The following ACTN4 variants were observed in gnomAD, a reference collection of about 807,000 sequenced individuals.
ACTN4 encodes alpha-actinin-4.
Under a neutral mutation model 114.2 loss-of-function variants are expected in ACTN4, and 18 were observed. That is an observed-to-expected ratio of 0.16 (90% CI 0.11 to 0.23). The LOEUF (loss-of-function observed/expected upper bound fraction) is 0.23, where lower values mean the gene tolerates loss of function less well. ACTN4 is among the 10% of genes least tolerant of loss of function. The probability of loss-of-function intolerance (pLI) is 1.00; values close to 1 mark genes in which losing one functional copy is unlikely to be tolerated. For synonymous variants in ACTN4, 515 were observed against 506.3 expected (o/e 1.02, Z -0.23); for missense variants, 722 against 1,262.9 (o/e 0.57, Z 6.49).
Position 38,714,452 on chromosome 19 carries a change from T to C in ACTN4, c.820-17T>C. ...TGGCCAGCCCCCAGGCAGCCCTGAC[T>C]GTGTGCTCCCCTCCAGGCTGAAACT... On this transcript the variant is annotated splice_polypyrimidine_tract_variant and intron_variant, in intron 8 of 20. Coordinates refer to ENST00000252699, the MANE Select transcript of ACTN4 (RefSeq NM_004924.6). The C allele has an allele frequency of 6.2e-7, 1 of 1,613,116 alleles. No homozygotes were observed. The highest frequency in any genetic ancestry group is 1.1e-5 in the South Asian group (1 of 91,054).
chr19:38,731,149 C>A lies in ACTN4; in HGVS notation c.*1717C>A, dbSNP rs372638469. On this transcript the variant is annotated 3_prime_UTR_variant, in exon 21 of 21. Transcript: ENST00000252699. Reference sequence around the variant, plus strand: ...TGGGCCACACAGGACACGAACCGCTCGAAGTCCACACGCAGACGGCTATCC... The same window carrying A: ...TGGGCCACACAGGACACGAACCGCTAGAAGTCCACACGCAGACGGCTATCC... The A allele has an allele frequency of 6.2e-7, 1 of 1,613,104 alleles. No homozygotes were observed. The highest frequency in any genetic ancestry group is 8.5e-7 in the Non-Finnish European group (1 of 1,179,992).
chr19:38,721,831 C>A, intron 12 of ACTN4, 143 bp downstream of exon 12: 1 of 1,241,756 alleles, frequency 8.1e-7, no homozygotes, highest in Non-Finnish European at 1.1e-6. Flanking sequence ...CTTCCAGAAG[C>A]CAGGGAAGGG....
Position 38,724,016 on chromosome 19 carries a change from T to C in ACTN4, c.1631T>C (p.Met544Thr), listed in dbSNP as rs778403713. 6.2e-6 allele frequency: 10 copies of C among 1,613,734 alleles called. No individual in the cohort carries two copies. The highest frequency in any genetic ancestry group is 7.6e-6 in the Non-Finnish European group (9 of 1,179,976). ...AKRAAPFNNW[M>T]ESAMEDLQDM... ...CGCGCGGCCCCCTTCAACAACTGGA[T>C]GGAGAGCGCCATGGAGGACCTCCAG... is the stretch of plus-strand genomic sequence containing the variant. Residue 544 changes from methionine (M) to threonine (T), a missense_variant, in exon 14 of 21, where the codon ATG (methionine) becomes ACG (threonine). Physicochemically the swap from Met to Thr is moderately conservative, Grantham distance 81. Transcript: ENST00000252699. This position sits in a 1 kb window ranked among gnomAD's most constrained non-coding sequence, Gnocchi z 7.0.
intron 1 of ACTN4, among the ~76,000 whole-genome samples, chr19:38,652,615 A>T (rs756786908): frequency 1.3e-5 from 2 of 152,182 alleles, no homozygotes; most frequent in Non-Finnish European, 2.9e-5. Flanking sequence ...CTCACCCTCC[A>T]GTTGGAACTG....
In ACTN4 at chr19:38,717,375, C is replaced by G; in HGVS notation, c.1143+59C>G. On this transcript the variant is annotated intron_variant, in intron 10 of 20. Transcript: ENST00000252699. This position sits in a 1 kb window ranked among gnomAD's most constrained non-coding sequence, Gnocchi z 4.0. ...AGGGGCAGAGGCAGCCCTAGAACTG[C>G]CTGTGGGCAGTTTGGCCAGCGTAAT... 6.3e-7 allele frequency: 1 copy of G among 1,580,988 alleles called. No homozygotes were observed. The highest frequency in any genetic ancestry group is 8.6e-7 in the Non-Finnish European group (1 of 1,164,074).
chr19:38,729,802 C>A lies in ACTN4; in HGVS notation c.*370C>A. 2.3e-6 allele frequency: 1 copy of A among 436,528 alleles called. No homozygotes were observed. The allele number at this position is 436,528 out of a possible 1,614,324, so 27.0% of individuals were successfully genotyped here. A position where few individuals can be genotyped will look rare whatever the true frequency, so the allele number is the denominator to read the frequency against. On this transcript the variant is annotated 3_prime_UTR_variant, in exon 21 of 21. Coordinates refer to ENST00000252699, the MANE Select transcript of ACTN4 (RefSeq NM_004924.6). ...CTTTGCTCTGAGGTCCCTTCAAGGCCTCCCCAATCCAGGCCAAAGCCCCAT... is the reference window on the plus strand; with the variant it reads ...CTTTGCTCTGAGGTCCCTTCAAGGCATCCCCAATCCAGGCCAAAGCCCCAT...
intron 1 of ACTN4, among the ~76,000 whole-genome samples, chr19:38,679,568 CGTGTGTGTGTGTGT>C (rs10583743): frequency 1.4e-5 from 2 of 145,420 alleles, no homozygotes; most frequent in African/African-American, 2.6e-5. Context: ...TTTGGGTGTG[CGTGTGTGTGTGTGT>C]GTGTGTGTGT....
chr19:38,697,413 G>T (rs1416118307), intron 1 of ACTN4, among the ~76,000 whole-genome samples: 1 of 152,272 alleles, frequency 6.6e-6, no homozygotes, highest in East Asian at 1.9e-4. Flanking sequence ...TTTATGCCAA[G>T]GAGCCTGTCA....
intron 1 of ACTN4, among the ~76,000 whole-genome samples, chr19:38,673,478 T>TATATATTCATATATATATATGA (rs1188898918): frequency 1.6e-5 from 1 of 60,724 alleles, no homozygotes; most frequent in Non-Finnish European, 4.3e-5. Context: ...TATATATTTA[T>TATATATTCATATATATATATGA]ATATATATTC....
At chr19:38,707,431 A>G (rs747217265) in intron 5 of ACTN4, among the ~76,000 whole-genome samples, 1 of 152,124 alleles carries the variant, frequency 6.6e-6, no homozygotes, top group Admixed American at 6.5e-5. Context: ...AGTCAGATGA[A>G]GAAAGTTCCC....
At chr19:38,712,249 G>C (rs1320068030) in intron 8 of ACTN4, among the ~76,000 whole-genome samples, 2 of 152,074 alleles carry the variant, frequency 1.3e-5, no homozygotes, top group East Asian at 1.9e-4. Flanking sequence ...AACTAGAAGG[G>C]GGGGGCCGTA....
intron 1 of ACTN4, chr19:38,648,283 C>A: frequency 5.6e-6 from 1 of 180,060 alleles, no homozygotes; most frequent in Non-Finnish European, 1.2e-5. Context: ...GTTGGGGGTG[C>A]TGGGAGGAGA....
intron 4 of ACTN4, among the ~76,000 whole-genome samples, chr19:38,705,415 G>A (rs1051880029): frequency 5.9e-5 from 9 of 152,142 alleles, no homozygotes; most frequent in Admixed American, 2.6e-4. Context: ...CCATGGACCC[G>A]TTATGAGCTC....
Position 38,731,505 on chromosome 19 carries a change from C to T in ACTN4, c.*2073C>T. 1 of 493,476 alleles carries T rather than the reference C, an allele frequency of 2.0e-6. No homozygotes were observed. The highest frequency in any genetic ancestry group is 1.9e-5 in the African/African-American group (1 of 52,052). 30.6% of individuals were successfully genotyped at this position (493,476 alleles called of 1,614,324 possible). ...ACTCGATGTGTGGGTACTGTTACTC[C>T]TTAAATCCTGTGGGGCTTTCTCCTT... is the stretch of plus-strand genomic sequence containing the variant. On this transcript the variant is annotated 3_prime_UTR_variant, in exon 21 of 21. Coordinates refer to ENST00000252699, the MANE Select transcript of ACTN4 (RefSeq NM_004924.6).
At chr19:38,708,082 G>A (rs377069504) in intron 5 of ACTN4, 35 bp from the exon 6 acceptor site, 206 of 1,605,306 alleles carry the variant, frequency 1.3e-4, no homozygotes, top group Middle Eastern at 1.6e-4. Flanking sequence ...GACAGTGAGC[G>A]GGCCCTCCTA....
rs143652102 is a variant in ACTN4, at chr19:38,708,396, G to A, written c.651+201G>A. Among the ~76,000 whole-genome samples the A allele has an allele frequency of 1.3e-4, 20 of 152,146 alleles. No homozygotes were observed. The East Asian group carries it at 1.9e-3, about 15-fold the overall frequency. The stretch of plus-strand genomic sequence containing the variant: ...GACTCTCACCTCCCTTATTCCCCTC[G>A]TGGACTGTCCAGTCTCCCTCCATGG... On this transcript the variant is annotated intron_variant, in intron 6 of 20. Coordinates refer to ENST00000252699, the MANE Select transcript of ACTN4 (RefSeq NM_004924.6).
intron 9 of ACTN4, 36 bp downstream of exon 9, chr19:38,714,597 A>G: frequency 1.9e-6 from 3 of 1,599,844 alleles, no homozygotes; most frequent in Non-Finnish European, 2.6e-6. Flanking sequence ...GGGCCACCTC[A>G]TTATCCTCAG....
At chr19:38,672,636 C>A (rs908091528) in intron 1 of ACTN4, among the ~76,000 whole-genome samples, 1 of 150,252 alleles carries the variant, frequency 6.7e-6, no homozygotes, top group Non-Finnish European at 1.5e-5. Flanking sequence ...TGTAATGGCA[C>A]GATCTCGGCT....
At chr19:38,714,330 C>G in intron 8 of ACTN4, 139 bp from the exon 9 acceptor site, 2 of 779,498 alleles carry the variant, frequency 2.6e-6, no homozygotes, top group Non-Finnish European at 4.4e-6. Context: ...AGGGCACCAT[C>G]TCACTGGAGC....
Sources: allele counts gnomAD v4.1 joint callset (sites outside exome capture counted in the v4.1 genomes callset), GRCh38; gene constraint gnomAD v4.1.1; non-coding constraint Gnocchi (gnomAD v3.1); transcripts MANE v1.5; gene names NCBI Gene and HGNC (gene_info 2026-07-23, HGNC 2026-07-21).